The following DOCK1 variants were observed in gnomAD, a reference collection of about 807,000 sequenced individuals.
The protein encoded by DOCK1 is dedicator of cytokinesis protein 1.
A neutral mutation model predicts 262.7 loss-of-function variants in DOCK1; 138 were observed. The ratio of observed to expected loss-of-function variants is 0.53; its 90% CI spans 0.46 to 0.61. The LOEUF is 0.61. DOCK1 is among the 20% of genes least tolerant of loss of function. The pLI is 0.00. For missense variants in DOCK1, 1,908 were observed against 2,370.7 expected, an observed-to-expected ratio of 0.80 and a Z score of 4.05; for synonymous variants, 866 against 867.4, an observed-to-expected ratio of 1.00 and a Z score of 0.03.
intron 27 of DOCK1, chr10:127,136,823 G>T (rs1395696536): frequency 2.6e-5 from 4 of 152,564 alleles, no homozygotes; most frequent in Non-Finnish European, 4.4e-5. Context: ...CTTTGAGATG[G>T]TCAGGGCTTC....
At chr10:127,003,358 CGTGAACCTGT>C (rs917944470) in intron 10 of DOCK1, among the ~76,000 whole-genome samples, 3 of 151,934 alleles carry the variant, frequency 2.0e-5, no homozygotes, top group Non-Finnish European at 2.9e-5. Flanking sequence ...CATGAACCTG[CGTGAACCTGT>C]GTGAACCTGT....
At chr10:127,289,047 A>G (rs919200345) in intron 29 of DOCK1, among the ~76,000 whole-genome samples, 1 of 151,914 alleles carries the variant, frequency 6.6e-6, no homozygotes, top group Non-Finnish European at 1.5e-5. Flanking sequence ...AAGTGTTTTC[A>G]TAGTATTTTC....
intron 23 of DOCK1, 128 bp from the exon 24 acceptor site, chr10:127,106,103 C>T (rs763889719): frequency 8.6e-6 from 8 of 926,148 alleles, no homozygotes; most frequent in Non-Finnish European, 1.3e-5. Flanking sequence ...TGTTAGCCGT[C>T]AGCCCCTCAT....
In DOCK1 at chr10:127,124,041, A is replaced by G. The variant is rs11813931; in HGVS notation, c.2624-1433A>G. On this transcript the variant is annotated intron_variant, in intron 25 of 51. Coordinates refer to ENST00000623213, the MANE Select transcript of DOCK1 (RefSeq NM_001290223.2). ...AATGGAATTGGGGAAGGCCTTGGCC[A>G]TGAGCCGCCCACATGTGATCCGCTG... is the stretch of plus-strand genomic sequence containing the variant. Among the ~76,000 whole-genome samples the G allele has an allele frequency of 7.5e-3, 1,144 of 152,336 alleles. 17 individuals carry two copies. The highest frequency in any genetic ancestry group is 0.026 in the African/African-American group (1,084 of 41,582).
At chr10:127,222,302 A>G (rs1309473703) in intron 27 of DOCK1, among the ~76,000 whole-genome samples, 1 of 152,172 alleles carries the variant, frequency 6.6e-6, no homozygotes, top group Non-Finnish European at 1.5e-5. Context: ...TTAGCCTACT[A>G]AATCACCTTT....
chr10:127,261,843 CGTGTGTGT>C (rs1402059464), intron 29 of DOCK1, among the ~76,000 whole-genome samples: 2 of 95,500 alleles, frequency 2.1e-5, no homozygotes, highest in East Asian at 7.1e-4. Context: ...TGTGGGTGTG[CGTGTGTGT>C]ACCTGCATGT....
intron 25 of DOCK1, among the ~76,000 whole-genome samples, chr10:127,120,422 G>C (rs2049482230): frequency 6.6e-6 from 1 of 152,150 alleles, no homozygotes; most frequent in Non-Finnish European, 1.5e-5. Context: ...TAAAAAATGA[G>C]GCAATTGATG....
chr10:126,970,831 G>T, intron 2 of DOCK1, 46 bp downstream of exon 2: 1 of 1,591,532 alleles, frequency 6.3e-7, no homozygotes, highest in South Asian at 1.1e-5. Flanking sequence ...TTGGGCAGAT[G>T]GCACACCTTC....
intron 19 of DOCK1, among the ~76,000 whole-genome samples, chr10:127,039,794 G>C (rs891644205): frequency 6.6e-6 from 1 of 152,174 alleles, no homozygotes; most frequent in Non-Finnish European, 1.5e-5. Context: ...ATGACTGATA[G>C]CAGAGAGATG....
intron 27 of DOCK1, among the ~76,000 whole-genome samples, chr10:127,172,767 A>G (rs964568831): frequency 6.6e-6 from 1 of 152,204 alleles, no homozygotes; most frequent in African/African-American, 2.4e-5. Context: ...AAGTAAAACC[A>G]TCCTTTGTCT....
chr10:127,414,121 G>A (rs867482452), intron 43 of DOCK1, among the ~76,000 whole-genome samples: 18 of 152,002 alleles, frequency 1.2e-4, no homozygotes, highest in South Asian at 4.2e-4. Context: ...CACGTTGCCC[G>A]GCCTGGTCTC....
In DOCK1 at chr10:127,024,023, G is replaced by T. The variant is rs183323628; in HGVS notation, c.1453-662G>T. ...TCTGCTTCCGTGGCCACAGCAGCCT[G>T]CAGGGTCCACCTGGGAGGTACTTAG... is the stretch of plus-strand genomic sequence containing the variant. On this transcript the variant is annotated intron_variant, in intron 14 of 51. Transcript: ENST00000623213. 1.6e-3 allele frequency among the ~76,000 whole-genome samples: 249 copies of T among 152,276 alleles called. 1 individual carries two copies. The highest frequency in any genetic ancestry group is 5.8e-3 in the African/African-American group (241 of 41,566).
At chr10:126,954,473 A>G (rs1420815132) in intron 1 of DOCK1, among the ~76,000 whole-genome samples, 1 of 152,234 alleles carries the variant, frequency 6.6e-6, no homozygotes, top group Non-Finnish European at 1.5e-5. Flanking sequence ...TTAGGTGTAC[A>G]GTTCAGTGGC....
intron 16 of DOCK1, 169 bp downstream of exon 16, chr10:127,026,593 A>T (rs1279821740): frequency 1.5e-6 from 1 of 675,214 alleles, no homozygotes; most frequent in Non-Finnish European, 2.5e-6. Context: ...CCTTGAGCAG[A>T]TCTCAGGAGG....
chr10:127,433,037 G>A (rs2069408596), intron 47 of DOCK1, among the ~76,000 whole-genome samples: 1 of 152,178 alleles, frequency 6.6e-6, no homozygotes. Flanking sequence ...AAGAAAACTT[G>A]CACTGTGTAT....
chr10:127,368,934 A>G (rs1324077639), intron 33 of DOCK1, among the ~76,000 whole-genome samples: 1 of 152,266 alleles, frequency 6.6e-6, no homozygotes, highest in Non-Finnish European at 1.5e-5. Flanking sequence ...TAAAAATGGA[A>G]TGGAAAAAGC....
chr10:127,388,342 T>A (rs1403674050), intron 38 of DOCK1, among the ~76,000 whole-genome samples: 3 of 152,178 alleles, frequency 2.0e-5, no homozygotes, highest in Non-Finnish European at 4.4e-5. Context: ...TCCATAATAT[T>A]TCCACGAGAA....
At chr10:127,358,658 T>G (rs67389377) in intron 32 of DOCK1, among the ~76,000 whole-genome samples, 29,760 of 152,150 alleles carry the variant, frequency 0.2, 3,092 homozygotes, top group Middle Eastern at 0.34. Context: ...TCATGGGTGT[T>G]TTTTGGCGAC....
At chr10:127,198,936 C>T (rs1265133007) in intron 27 of DOCK1, among the ~76,000 whole-genome samples, 2 of 151,886 alleles carry the variant, frequency 1.3e-5, no homozygotes, top group Non-Finnish European at 2.9e-5. Flanking sequence ...TGGGGGCTGG[C>T]TGGAGAGAAG....
Sources: gnomAD v4.1 joint callset for allele counts (sites outside exome capture counted in the v4.1 genomes callset) on GRCh38, gnomAD v4.1.1 for gene constraint, MANE v1.5 for transcripts, NCBI Gene and HGNC (gene_info 2026-07-23, HGNC 2026-07-21) for gene names.